The following PALLD variants were observed in gnomAD, a reference collection of about 807,000 sequenced individuals.
The protein encoded by PALLD is palladin, cytoskeletal associated protein.
A neutral mutation model predicts 123.5 loss-of-function variants in PALLD; 61 were observed. That is an observed-to-expected ratio of 0.49 (90% CI 0.40 to 0.61). PALLD has a LOEUF of 0.61. PALLD is among the 20% of genes least tolerant of loss of function. PALLD has a pLI of 0.00. For missense variants in PALLD, 1,273 were observed against 1,377.0 expected, an observed-to-expected ratio of 0.92 and a Z score of 1.20; for synonymous variants, 465 against 496.4, an observed-to-expected ratio of 0.94 and a Z score of 0.84.
intron 2 of PALLD, among the ~76,000 whole-genome samples, chr4:168,629,256 C>T (rs988395697): frequency 1.3e-5 from 2 of 152,034 alleles, no homozygotes; most frequent in East Asian, 1.9e-4. Flanking sequence ...TCAGGTGATC[C>T]GCCCACCTCA....
At chr4:168,819,038 A>C (rs1169426292) in intron 10 of PALLD, among the ~76,000 whole-genome samples, 1 of 152,176 alleles carries the variant, frequency 6.6e-6, no homozygotes, top group Non-Finnish European at 1.5e-5. Flanking sequence ...ATGATGAACA[A>C]GCTTACAGGC....
chr4:168,515,255 T>C (rs368726560), intron 2 of PALLD, among the ~76,000 whole-genome samples: 3 of 152,198 alleles, frequency 2.0e-5, no homozygotes, highest in East Asian at 3.8e-4. Flanking sequence ...ATGAGACATA[T>C]GACAGTCATA....
chr4:168,887,974 G>A (rs1753600424), intron 10 of PALLD, among the ~76,000 whole-genome samples: 1 of 152,170 alleles, frequency 6.6e-6, no homozygotes, highest in African/African-American at 2.4e-5. Flanking sequence ...TAGAGTGATA[G>A]ATGCTATCAG....
At chr4:168,613,763 A>T (rs1214305572) in intron 2 of PALLD, among the ~76,000 whole-genome samples, 1 of 152,216 alleles carries the variant, frequency 6.6e-6, no homozygotes, top group Non-Finnish European at 1.5e-5. Flanking sequence ...CATGCTGGCT[A>T]CAAAGACTAG....
intron 10 of PALLD, among the ~76,000 whole-genome samples, chr4:168,883,345 A>T (rs965925576): frequency 6.6e-6 from 1 of 152,178 alleles, no homozygotes; most frequent in African/African-American, 2.4e-5. Context: ...TACATTCTTG[A>T]ATATAAGTGA....
chr4:168,759,175 A>C (rs1331236181), intron 10 of PALLD, among the ~76,000 whole-genome samples: 1 of 61,142 alleles, frequency 1.6e-5, no homozygotes, highest in Non-Finnish European at 2.9e-5. Context: ...GTGAGACTCC[A>C]TCTCAAAAAA....
At chr4:168,926,153 T>C (rs1762549562) in intron 21 of PALLD, 60 bp from the exon 22 acceptor site, 1 of 1,334,430 alleles carries the variant, frequency 7.5e-7, no homozygotes, top group South Asian at 1.5e-5. Context: ...ATTTGAAATA[T>C]CTAAAGGCTT....
At chr4:168,557,168 C>T (rs553971822) in intron 2 of PALLD, among the ~76,000 whole-genome samples, 40 of 152,220 alleles carry the variant, frequency 2.6e-4, no homozygotes, top group African/African-American at 8.4e-4. Context: ...CTCAGCCTCC[C>T]GAGTAGCTGG....
At chr4:168,888,259 G>A (rs1753648630) in intron 10 of PALLD, among the ~76,000 whole-genome samples, 1 of 152,118 alleles carries the variant, frequency 6.6e-6, no homozygotes, top group Admixed American at 6.5e-5. Context: ...GAACTTCAGG[G>A]CAAATGACTA....
rs1316498813 is a variant in PALLD at position 168,878,380 on chromosome 4, G to A, written c.1965-12542G>A. The A allele has an allele frequency of 2.7e-6, 4 of 1,503,872 alleles. No homozygotes were observed. In the Admixed American group the frequency reaches 6.4e-5, roughly 24 times the overall value. 93.2% of individuals were successfully genotyped at this position (1,503,872 alleles called of 1,614,324 possible). A position where few individuals can be genotyped will look rare whatever the true frequency, so the allele number is the denominator to read the frequency against. ...CCGTCAACGCCCTGGGGCTGCCCAA[G>A]GGTGTCACCCCCGCGTGAGTAACCG... On this transcript the variant is annotated intron_variant, in intron 10 of 21. Coordinates refer to ENST00000505667, the MANE Select transcript of PALLD (RefSeq NM_001166108.2).
chr4:168,913,856 A>G, intron 15 of PALLD, 71 bp from the exon 16 acceptor site: 1 of 976,086 alleles, frequency 1.0e-6, no homozygotes, highest in Non-Finnish European at 1.7e-6. Context: ...AGAATAGGAC[A>G]GTAGGCATGA....
intron 8 of PALLD, chr4:168,700,027 TACG>T (rs1479554434): frequency 3.3e-6 from 1 of 306,828 alleles, no homozygotes; most frequent in African/African-American, 2.2e-5. Flanking sequence ...AGATGTCTTA[TACG>T]TCTTTGTTCG....
intron 10 of PALLD, among the ~76,000 whole-genome samples, chr4:168,858,880 G>A (rs1749014283): frequency 6.6e-6 from 1 of 152,106 alleles, no homozygotes; most frequent in South Asian, 2.1e-4. Flanking sequence ...TAAGAGTCCC[G>A]TTCTGCCCAT....
At chr4:168,916,742 G>A (rs765227033) in intron 17 of PALLD, among the ~76,000 whole-genome samples, 2 of 148,058 alleles carry the variant, frequency 1.4e-5, no homozygotes, top group Admixed American at 6.7e-5. Context: ...GTGCAGTGGT[G>A]CAATCTCGGC....
chr4:168,810,812 C>G (rs1740991505), intron 10 of PALLD, among the ~76,000 whole-genome samples: 1 of 78,966 alleles, frequency 1.3e-5, no homozygotes, highest in Non-Finnish European at 2.7e-5. Context: ...GAGACTCCGT[C>G]TCAAAAAAAA....
At chr4:168,550,267 G>C (rs565021575) in intron 2 of PALLD, among the ~76,000 whole-genome samples, 195 of 113,060 alleles carry the variant, frequency 1.7e-3, no homozygotes, top group African/African-American at 5.7e-3. Context: ...CTGAGTCAGT[G>C]CAAAACTACA....
intron 2 of PALLD, among the ~76,000 whole-genome samples, chr4:168,513,346 A>G (rs1489931154): frequency 6.6e-6 from 1 of 152,212 alleles, no homozygotes; most frequent in African/African-American, 2.4e-5. Context: ...GGGAGTATGC[A>G]CTTAGAGTTA....
intron 10 of PALLD, among the ~76,000 whole-genome samples, chr4:168,865,371 A>G (rs1276734824): frequency 5.9e-5 from 9 of 152,152 alleles, no homozygotes; most frequent in Admixed American, 5.9e-4. Context: ...TTGGGAAGGG[A>G]GTCTGGTGAT....
In PALLD at chr4:168,512,360, A is replaced by G. The variant is rs116219738; in HGVS notation, c.856A>G (p.Ser286Gly). The change falls in exon 2 of 22, where the codon AGC (serine) becomes GGC (glycine). Residue 286 changes from serine (S) to glycine (G), a missense_variant. Ser to Gly is a moderately conservative substitution (Grantham distance 56). Around this residue, in one of 2 missense-constraint regions of PALLD, gnomAD observed 944 missense variants for 954.5 expected, o/e 0.99. Coordinates refer to ENST00000505667, the MANE Select transcript of PALLD (RefSeq NM_001166108.2). ...GAGGAGCCAAGAAGTAGCAGAAGGG[A>G]GCCGAGTTTATCTGGAGTGTAGAGT... ...KLRSQEVAEG[S>G]RVYLECRVTG... is the part of the protein sequence containing the mutation. 3.2e-4 allele frequency: 517 copies of G among 1,613,978 alleles called. 3 individuals are homozygous for G. In the African/African-American group the frequency reaches 6.2e-3, roughly 19 times the overall value.
Sources: gnomAD v4.1 joint callset for allele counts (sites outside exome capture counted in the v4.1 genomes callset) on GRCh38, gnomAD v4.1.1 for gene constraint, gnomAD v4.1.1 regional missense constraint, MANE v1.5 for transcripts, NCBI Gene and HGNC (gene_info 2026-07-23, HGNC 2026-07-21) for gene names.